GPHN: variants seen among roughly 807,000 people sequenced by gnomAD.
GPHN encodes the protein gephyrin.
In GPHN, 17 loss-of-function variants were observed where a neutral mutation model predicts 95.5. The ratio of observed to expected loss-of-function variants is 0.18; its 90% CI spans 0.12 to 0.27. GPHN has a LOEUF of 0.27. Ranked by LOEUF, GPHN falls within the 10% of genes least tolerant of loss-of-function variation. The pLI, the probability that GPHN is intolerant of heterozygous loss-of-function variation, is 1.00. For synonymous variants in GPHN, 320 were observed against 322.5 expected, an observed-to-expected ratio of 0.99 and a Z score of 0.08; for missense variants, 660 against 978.1, an observed-to-expected ratio of 0.67 and a Z score of 4.34.
intron 6 of GPHN, among the ~76,000 whole-genome samples, chr14:66,919,047 A>C (rs1034439629): frequency 6.6e-6 from 1 of 152,116 alleles, no homozygotes; most frequent in African/African-American, 2.4e-5. Context: ...TCTTTTGGTA[A>C]TACGTTATAG....
At chr14:67,699,895 A>G in the GPHN span, among the ~76,000 whole-genome samples, 1 of 152,182 alleles carries the variant, frequency 6.6e-6, no homozygotes, top group Non-Finnish European at 1.5e-5. Flanking sequence ...TACTTCCAGC[A>G]CTTTGGGAGG....
the GPHN span, among the ~76,000 whole-genome samples, chr14:67,235,441 C>T: frequency 1.3e-5 from 2 of 151,990 alleles, no homozygotes; most frequent in Non-Finnish European, 2.9e-5. Context: ...CAGGGCCAGG[C>T]GCGGTGGCTC....
At chr14:66,678,806 G>A (rs1045866081) in intron 1 of GPHN, among the ~76,000 whole-genome samples, 2 of 152,186 alleles carry the variant, frequency 1.3e-5, no homozygotes, top group Non-Finnish European at 2.9e-5. Context: ...GGTTGCATTA[G>A]TGTAGTCTCT....
chr14:67,386,733 T>C, the GPHN span, among the ~76,000 whole-genome samples: 3 of 152,360 alleles, frequency 2.0e-5, no homozygotes, highest in East Asian at 5.8e-4. Context: ...ATTTTTCGTA[T>C]ACGTGATTAT....
rs1555482658 is a variant in GPHN, at chr14:67,070,715, AAT to A, written c.1144+11942_1144+11943del. On this transcript the variant is annotated intron_variant, in intron 11 of 22. Transcript: ENST00000478722. ...ATCTCAAAAAAAAAAAAAAAAAAAA[AAT>A]ATATATATATATCCAATCAGCATTC... Among the ~76,000 whole-genome samples the A allele has an allele frequency of 1.3e-3, 103 of 80,698 alleles. 1 individual carries two copies. Among genetic ancestry groups the A allele is most frequent in the Middle Eastern group, 5.6e-3 (1 of 178 alleles). 52.9% of individuals were successfully genotyped at this position (80,698 alleles called of 152,430 possible).
At chr14:66,554,205 G>A (rs978877978) in intron 1 of GPHN, among the ~76,000 whole-genome samples, 6 of 152,132 alleles carry the variant, frequency 3.9e-5, no homozygotes, top group Non-Finnish European at 7.3e-5. Context: ...ATGTGATCAA[G>A]GGCAGAGATA....
At chr14:66,888,219 A>C (rs1055044090) in intron 5 of GPHN, among the ~76,000 whole-genome samples, 11 of 152,078 alleles carry the variant, frequency 7.2e-5, no homozygotes, top group African/African-American at 2.7e-4. Context: ...AATTTCCCCA[A>C]ATTAATGTCA....
intron 9 of GPHN, among the ~76,000 whole-genome samples, chr14:66,997,936 T>A (rs2071929925): frequency 6.6e-6 from 1 of 152,222 alleles, no homozygotes; most frequent in Non-Finnish European, 1.5e-5. Context: ...TTCCCAAAGA[T>A]TATGAGTGCT....
the GPHN span, among the ~76,000 whole-genome samples, chr14:67,491,250 G>C: frequency 6.6e-6 from 1 of 152,180 alleles, no homozygotes; most frequent in East Asian, 1.9e-4. Flanking sequence ...TGACGTATTG[G>C]GGGGTCACCC....
the GPHN span, among the ~76,000 whole-genome samples, chr14:67,508,135 C>CAAAAAAAAAAAAAAAAAAAAAAAAAA: frequency 7.7e-6 from 1 of 130,622 alleles, no homozygotes; most frequent in African/African-American, 3.0e-5. Flanking sequence ...AACTCCATCT[C>CAAAAAAAAAAAAAAAAAAAAAAAAAA]AAAAAAAAAA....
the GPHN span, chr14:67,472,454 T>C: frequency 6.6e-6 from 1 of 152,434 alleles, no homozygotes; most frequent in Non-Finnish European, 1.5e-5. Flanking sequence ...AGCCTGCCTG[T>C]GCATTGGAGG....
At chr14:66,675,694 T>C (rs1252632765) in intron 1 of GPHN, among the ~76,000 whole-genome samples, 3 of 152,180 alleles carry the variant, frequency 2.0e-5, no homozygotes, top group African/African-American at 7.2e-5. Context: ...TAGACAGATG[T>C]CCTGAAGCAT....
the GPHN span, among the ~76,000 whole-genome samples, chr14:67,359,151 G>C: frequency 6.6e-6 from 1 of 152,200 alleles, no homozygotes; most frequent in Non-Finnish European, 1.5e-5. Context: ...GGGGATCCAA[G>C]ATCGAATCCG....
the GPHN span, chr14:67,301,347 TC>T: frequency 7.1e-7 from 1 of 1,415,932 alleles, no homozygotes; most frequent in Non-Finnish European, 9.9e-7. Context: ...TACTGATACT[TC>T]CTATAATCTA....
the GPHN span, among the ~76,000 whole-genome samples, chr14:67,219,479 G>C: frequency 2.6e-5 from 4 of 152,178 alleles, no homozygotes; most frequent in African/African-American, 9.7e-5. Context: ...TCTTGTGGGA[G>C]AAGGATGAAT....
At chr14:67,579,189 C>T in the GPHN span, 44 of 1,609,692 alleles carry the variant, frequency 2.7e-5, no homozygotes, top group East Asian at 3.1e-4. Context: ...GCGGACCCTG[C>T]GGACCGGGGA....
At chr14:66,558,375 A>G (rs536678872) in intron 1 of GPHN, among the ~76,000 whole-genome samples, 29 of 152,318 alleles carry the variant, frequency 1.9e-4, no homozygotes, top group Non-Finnish European at 3.7e-4. Flanking sequence ...AGAAGACAAC[A>G]CTGATTACTG....
the GPHN span, chr14:67,674,712 A>G: frequency 2.3e-6 from 1 of 443,900 alleles, no homozygotes; most frequent in African/African-American, 2.1e-5. Context: ...CCTGACGAGA[A>G]GTCGGGAGAC....
the GPHN span, chr14:67,620,901 A>T: frequency 6.2e-7 from 1 of 1,614,188 alleles, no homozygotes. Context: ...CAGAAAAGAA[A>T]AGGAGTGGAG....
Sources: allele counts gnomAD v4.1 joint callset (sites outside exome capture counted in the v4.1 genomes callset), GRCh38; gene constraint gnomAD v4.1.1; transcripts MANE v1.5; gene names NCBI Gene and HGNC (gene_info 2026-07-23, HGNC 2026-07-21).